WDPCP: variants seen among roughly 807,000 people sequenced by gnomAD.
WDPCP encodes WD repeat-containing and planar cell polarity effector protein fritz homolog.
In WDPCP, 71 loss-of-function variants were observed where a neutral mutation model predicts 93.1. The observed-to-expected ratio is 0.76, with a 90% confidence interval of 0.63 to 0.93. The LOEUF (loss-of-function observed/expected upper bound fraction) is 0.93, where lower values mean the gene tolerates loss of function less well. Among genes scored for constraint, WDPCP ranks in the 40% least tolerant of loss-of-function variants. The pLI, the probability that WDPCP is intolerant of heterozygous loss-of-function variation, is 0.00. For synonymous variants in WDPCP, 315 were observed against 315.0 expected, an observed-to-expected ratio of 1.00 and a Z score of 0.00; for missense variants, 844 against 887.4, an observed-to-expected ratio of 0.95 and a Z score of 0.62.
At chr2:63,525,744 C>G (rs1703290560) in intron 1 of WDPCP, among the ~76,000 whole-genome samples, 1 of 152,114 alleles carries the variant, frequency 6.6e-6, no homozygotes, top group Non-Finnish European at 1.5e-5. Context: ...TGGCCGTGGC[C>G]ACATTAAGAT....
chr2:63,695,374 G>C (rs1668949257), intron 2 of WDPCP, among the ~76,000 whole-genome samples: 1 of 152,116 alleles, frequency 6.6e-6, no homozygotes, highest in Non-Finnish European at 1.5e-5. Context: ...GATTAGAGTT[G>C]CTAGATCAAA....
chr2:63,657,809 A>G (rs1229959811), intron 2 of WDPCP, among the ~76,000 whole-genome samples: 1 of 152,196 alleles, frequency 6.6e-6, no homozygotes, highest in Non-Finnish European at 1.5e-5. Flanking sequence ...CCACAGGCCC[A>G]TCCTTACAGT....
intron 1 of WDPCP, among the ~76,000 whole-genome samples, chr2:63,494,084 C>A (rs1701057262): frequency 6.6e-6 from 1 of 152,072 alleles, no homozygotes; most frequent in African/African-American, 2.4e-5. Flanking sequence ...AATGCACTTA[C>A]AATCAAGAAA....
intron 17 of WDPCP, among the ~76,000 whole-genome samples, chr2:63,134,438 G>T (rs1670481782): frequency 1.3e-5 from 2 of 152,178 alleles, no homozygotes; most frequent in Non-Finnish European, 2.9e-5. Flanking sequence ...CAGAATGCCA[G>T]AAAAGTATTT....
chr2:63,377,669 T>C (rs1691964449), intron 12 of WDPCP, among the ~76,000 whole-genome samples: 1 of 151,660 alleles, frequency 6.6e-6, no homozygotes, highest in Non-Finnish European at 1.5e-5. Flanking sequence ...CTGCTCTAAA[T>C]TGTGTGCTAA....
chr2:63,630,988 AAATAT>A (rs879721098), intron 3 of WDPCP, among the ~76,000 whole-genome samples: 26 of 152,224 alleles, frequency 1.7e-4, no homozygotes, highest in African/African-American at 5.8e-4. Flanking sequence ...CAAGTAATGA[AAATAT>A]AATATATCAA....
intron 2 of WDPCP, among the ~76,000 whole-genome samples, chr2:63,699,484 C>T (rs879539053): frequency 2.0e-5 from 3 of 152,108 alleles, no homozygotes; most frequent in South Asian, 2.1e-4. Context: ...TTCAGAGGGA[C>T]GGTTGTTCCC....
intron 2 of WDPCP, among the ~76,000 whole-genome samples, chr2:63,672,396 A>T (rs1157696420): frequency 1.3e-5 from 2 of 152,232 alleles, no homozygotes; most frequent in East Asian, 3.8e-4. Context: ...AAATCAGAGG[A>T]TGTGAACACA....
At chr2:63,249,953 TTC>T (rs1360777083) in intron 14 of WDPCP, among the ~76,000 whole-genome samples, 2 of 152,202 alleles carry the variant, frequency 1.3e-5, no homozygotes, top group African/African-American at 2.4e-5. Context: ...ACTCATGAAT[TTC>T]TGTTTCCTTC....
intron 3 of WDPCP, chr2:63,604,765 A>C (rs1207565166): frequency 6.2e-7 from 1 of 1,614,160 alleles, no homozygotes. Flanking sequence ...CCATTCCTCG[A>C]CTCAGTATCC....
chr2:63,735,513 G>A (rs1408347999), intron 2 of WDPCP, among the ~76,000 whole-genome samples: 1 of 152,204 alleles, frequency 6.6e-6, no homozygotes, highest in African/African-American at 2.4e-5. Context: ...GATGCCATGA[G>A]AAAGAGTTCA....
chr2:63,554,514 A>G (rs1705927107), intron 1 of WDPCP, among the ~76,000 whole-genome samples: 1 of 152,110 alleles, frequency 6.6e-6, no homozygotes, highest in Non-Finnish European at 1.5e-5. Flanking sequence ...TTAGCTGGGT[A>G]TGATGGCAGG....
chr2:63,148,453 T>A (rs1439729088), intron 17 of WDPCP, among the ~76,000 whole-genome samples: 1 of 152,180 alleles, frequency 6.6e-6, no homozygotes, highest in Non-Finnish European at 1.5e-5. Context: ...GATTCTTGTG[T>A]CTCAGTCTCC....
intron 2 of WDPCP, among the ~76,000 whole-genome samples, chr2:63,705,674 A>C (rs954040130): frequency 9.2e-5 from 14 of 151,680 alleles, no homozygotes; most frequent in Non-Finnish European, 1.9e-4. Context: ...GTTTTTTATA[A>C]TTTCTGTTCT....
At chr2:63,401,859 C>T (rs976728640) in intron 10 of WDPCP, among the ~76,000 whole-genome samples, 1 of 152,080 alleles carries the variant, frequency 6.6e-6, no homozygotes, top group African/African-American at 2.4e-5. Flanking sequence ...GAAATAGGAA[C>T]ACTTTTACAC....
Position 63,327,752 on chromosome 2 carries a change from A to G in WDPCP, c.1749-14441T>C, listed in dbSNP as rs118026156. Among the ~76,000 whole-genome samples the G allele has an allele frequency of 2.9e-3, 445 of 152,256 alleles. 14 individuals carry two copies. The East Asian group carries it at 0.077, about 26-fold the overall frequency. On this transcript the variant is annotated intron_variant, in intron 12 of 17. Coordinates refer to ENST00000272321, the MANE Select transcript of WDPCP (RefSeq NM_015910.7). ...TTCTAGGTCCCAAGACAGCCATCTT[A>G]TTATTACTTGCCTTCGGGGCCCTGT...
chr2:63,521,027 C>T (rs925026140), intron 1 of WDPCP, among the ~76,000 whole-genome samples: 3 of 152,110 alleles, frequency 2.0e-5, no homozygotes, highest in Admixed American at 1.3e-4. Flanking sequence ...ATTTTGTTAC[C>T]CCCAGACCTG....
At position 63,435,575 on chromosome 2, in the gene WDPCP, G is replaced by A. The variant is rs1697080964; in HGVS notation, c.634-1639C>T. 2.0e-5 allele frequency among the ~76,000 whole-genome samples: 3 copies of A among 152,204 alleles called. No homozygotes were observed. The South Asian group carries it at 6.2e-4, about 32-fold the overall frequency. On this transcript the variant is annotated intron_variant, in intron 8 of 17. Transcript: ENST00000272321. ...AGATGAGGAAATTGAGTCACAATGAGTGACTGACATTTTCAGTTGTCACAT... is the reference window on the plus strand; with the variant it reads ...AGATGAGGAAATTGAGTCACAATGAATGACTGACATTTTCAGTTGTCACAT...
intron 6 of WDPCP, among the ~76,000 whole-genome samples, chr2:63,480,796 T>C (rs1700220752): frequency 6.6e-6 from 1 of 152,080 alleles, no homozygotes; most frequent in Admixed American, 6.6e-5. Flanking sequence ...GAAGATAACA[T>C]TGGAAGAACC....
Sources: gnomAD v4.1 joint callset for allele counts (sites outside exome capture counted in the v4.1 genomes callset) on GRCh38, gnomAD v4.1.1 for gene constraint, MANE v1.5 for transcripts, NCBI Gene and HGNC (gene_info 2026-07-23, HGNC 2026-07-21) for gene names.